HK1: variants seen among roughly 807,000 people sequenced by gnomAD.
HK1 encodes the protein hexokinase-1.
HK1 carries 28 observed loss-of-function variants against 91.6 expected under a neutral mutation model. That is an observed-to-expected ratio of 0.31 (90% CI 0.23 to 0.42). The LOEUF is 0.42. Ranked by LOEUF, HK1 falls within the 10% of genes least tolerant of loss-of-function variation. HK1 has a pLI of 1.00. For synonymous variants in HK1, 430 were observed against 468.1 expected (o/e 0.92, Z 1.05); for missense variants, 770 against 1,219.8 (o/e 0.63, Z 5.49).
chr10:69,366,019 T>C (rs1198090187), intron 4 of HK1, among the ~76,000 whole-genome samples: 1 of 152,034 alleles, frequency 6.6e-6, no homozygotes, highest in Admixed American at 6.6e-5. Context: ...TTGGCAGATA[T>C]GGGGTTTCAC....
At position 69,295,696 on chromosome 10, in the gene HK1, T is replaced by C. The variant is rs372162023; in HGVS notation, c.-67+16T>C. On this transcript the variant is annotated intron_variant, in intron 4 of 21. Coordinates refer to the HK1 transcript ENST00000360289. Reference sequence around the variant, plus strand: ...TGAAAGTGAGGTAAGAAAGCTATTTTTTTTTTTATTTCCTTCTGTAACATT... The same window carrying C: ...TGAAAGTGAGGTAAGAAAGCTATTTCTTTTTTTATTTCCTTCTGTAACATT... The C allele has an allele frequency of 1.4e-3, 2,080 of 1,526,964 alleles. 7 individuals carry two copies. The highest frequency in any genetic ancestry group is 1.3e-3 in the Non-Finnish European group (1,453 of 1,100,828). 94.6% of individuals were successfully genotyped at this position (1,526,964 alleles called of 1,614,324 possible).
rs1049328993 is a variant in HK1 at position 69,369,453 on chromosome 10, A to G, written c.704A>G (p.Asn235Ser). The change falls in exon 7 of 18, where the codon AAT becomes AGT. Residue 235 changes from asparagine to serine, a missense_variant. Asn to Ser is a conservative substitution (Grantham distance 46). This residue lies in a region of HK1 where 449 missense variants were observed against 665.1 expected (regional missense o/e 0.68). Transcript: ENST00000359426. The surrounding 1 kb of genome is among the most constrained non-coding windows in gnomAD (Gnocchi z 4.4). The stretch of plus-strand genomic sequence containing the variant: ...TTGTCCTGCCCAGGCACTGGCACCA[A>G]TGCTTGCTACATGGAGGAACTGAGG... ...EVGLIIGTGT[N>S]ACYMEELRHI... 7 of 1,614,212 alleles carry G rather than the reference A, an allele frequency of 4.3e-6. No individual in the cohort carries two copies. Among genetic ancestry groups the G allele is most frequent in the South Asian group, 1.1e-5 (1 of 91,076 alleles).
At chr10:69,291,062 C>T (rs78089778) in intron 3 of HK1, among the ~76,000 whole-genome samples, 5,460 of 152,342 alleles carry the variant, frequency 0.036, 311 homozygotes, top group African/African-American at 0.12. Context: ...AACCTGGAAG[C>T]TTGTTTGGGA....
chr10:69,300,377 T>G, intron 4 of HK1: 1 of 529,406 alleles, frequency 1.9e-6, no homozygotes, highest in Non-Finnish European at 3.4e-6. Context: ...TGTAATTTTG[T>G]TTTTTGCTTT....
At chr10:69,350,403 G>A (rs916071235) in intron 2 of HK1, among the ~76,000 whole-genome samples, 13 of 152,262 alleles carry the variant, frequency 8.5e-5, no homozygotes, top group South Asian at 4.1e-4. Flanking sequence ...GCCCGGCAGC[G>A]TATAGGACCA....
rs530158641 is a variant in HK1 at position 69,396,703 on chromosome 10, C to T, written c.2375+1598C>T. Among the ~76,000 whole-genome samples, 13 of 152,040 alleles carry T rather than the reference C, an allele frequency of 8.6e-5. No individual in the cohort carries two copies. The South Asian group carries it at 1.5e-3, about 17-fold the overall frequency. On this transcript the variant is annotated intron_variant, in intron 16 of 17. Coordinates refer to ENST00000359426, the MANE Select transcript of HK1 (RefSeq NM_000188.3). ...ATTTTTTTATTTTTATTTTTTGAGA[C>T]GGAGTTTCACTCTTGTTGGCCAGGC...
chr10:69,298,737 T>C (rs989761647), intron 4 of HK1, among the ~76,000 whole-genome samples: 3 of 151,810 alleles, frequency 2.0e-5, no homozygotes, highest in African/African-American at 7.3e-5. Context: ...AGCTACATCA[T>C]GGGGTTGAAA....
At chr10:69,353,507 C>A (rs892384357) in intron 2 of HK1, among the ~76,000 whole-genome samples, 1 of 151,564 alleles carries the variant, frequency 6.6e-6, no homozygotes, top group African/African-American at 2.4e-5. Flanking sequence ...GTGGGAGGAT[C>A]GCTTGGGCTC....
At chr10:69,311,607 C>G (rs1000410771), upstream of HK1, among the ~76,000 whole-genome samples, 2 of 152,142 alleles carry the variant, frequency 1.3e-5, no homozygotes, top group African/African-American at 2.4e-5. Context: ...CCTCAACAAT[C>G]TGGTTAACCC....
Position 69,287,774 on chromosome 10 carries a change from T to A in HK1, c.-214-897T>A, listed in dbSNP as rs1003169966. On this transcript the variant is annotated intron_variant, in intron 2 of 21. Transcript: ENST00000360289. ...GGTATGTGAGTTATAGCTCATTTTT[T>A]AAAAAATCACATATAAATAATGTGT... 8.5e-5 allele frequency among the ~76,000 whole-genome samples: 13 copies of A among 152,120 alleles called. 1 individual carries two copies. The highest frequency in any genetic ancestry group is 3.3e-4 in the Admixed American group (5 of 15,268).
chr10:69,369,714 G>A lies in HK1; in HGVS notation c.875+90G>A, dbSNP rs1849900152. ...GGATGGGAGATGAAAAGGGCATAAA[G>A]CCAAGTGATCACAAACAGAAAAGCC... On this transcript the variant is annotated intron_variant, in intron 7 of 17. Transcript: ENST00000359426. This position sits in a 1 kb window ranked among gnomAD's most constrained non-coding sequence, Gnocchi z 4.4. 3.9e-5 allele frequency: 48 copies of A among 1,221,228 alleles called. 1 individual carries two copies. In the South Asian group the frequency reaches 6.1e-4, roughly 16 times the overall value. 75.6% of individuals were successfully genotyped at this position (1,221,228 alleles called of 1,614,324 possible). A position where few individuals can be genotyped will look rare whatever the true frequency, so the allele number is the denominator to read the frequency against.
intron 1 of HK1, among the ~76,000 whole-genome samples, chr10:69,276,227 T>C (rs1844467620): frequency 6.7e-6 from 1 of 150,196 alleles, no homozygotes; most frequent in Admixed American, 6.7e-5. Context: ...TATAACTTTG[T>C]TGATTTTGTT....
At chr10:69,300,452 T>C in intron 4 of HK1, 1 of 804,382 alleles carries the variant, frequency 1.2e-6, no homozygotes, top group East Asian at 2.7e-5. Context: ...CCCAGGATTT[T>C]CCTTCCTGTG....
intron 15 of HK1, among the ~76,000 whole-genome samples, chr10:69,394,134 T>C (rs1840034192): frequency 6.6e-6 from 1 of 152,240 alleles, no homozygotes; most frequent in Admixed American, 6.5e-5. Flanking sequence ...TCCAGGGGAC[T>C]CTTCTCAGCT....
chr10:69,374,484 G>GT (rs774994078), intron 7 of HK1, among the ~76,000 whole-genome samples: 16 of 152,244 alleles, frequency 1.1e-4, no homozygotes, highest in Non-Finnish European at 2.1e-4. Context: ...TACCCGTTCA[G>GT]TTATCACAGG....
intron 2 of HK1, among the ~76,000 whole-genome samples, chr10:69,351,413 G>A (rs1254125413): frequency 6.6e-6 from 1 of 152,120 alleles, no homozygotes; most frequent in Non-Finnish European, 1.5e-5. Flanking sequence ...GGAGGCTGAG[G>A]CAAGAGAATC....
chr10:69,343,741 G>T (rs1041710790), intron 1 of HK1, 86 bp from the exon 2 acceptor site: 2 of 998,108 alleles, frequency 2.0e-6, no homozygotes, highest in Non-Finnish European at 1.6e-6. Context: ...GTGCCTGTGG[G>T]AGCTGGCTAT....
At chr10:69,350,300 G>A (rs1463129226) in intron 2 of HK1, among the ~76,000 whole-genome samples, 2 of 152,200 alleles carry the variant, frequency 1.3e-5, no homozygotes, top group Non-Finnish European at 2.9e-5. Context: ...GGTGAAAAAT[G>A]GGAGGGTAGT....
chr10:69,338,680 AGTGTGTGTGTGTGT>A (rs10578071), intron 1 of HK1: 24 of 1,169,442 alleles, frequency 2.1e-5, no homozygotes, highest in Middle Eastern at 3.5e-4. Flanking sequence ...TGGAGATGTG[AGTGTGTGTGTGTGT>A]GTGTGTGTGT....
Sources: allele counts gnomAD v4.1 joint callset (sites outside exome capture counted in the v4.1 genomes callset), GRCh38; gene constraint gnomAD v4.1.1; regional missense constraint gnomAD v4.1.1; non-coding constraint Gnocchi (gnomAD v3.1); transcripts MANE v1.5; gene names NCBI Gene and HGNC (gene_info 2026-07-23, HGNC 2026-07-21).